The following P2RY6 variants were observed in gnomAD, a reference collection of about 807,000 sequenced individuals.
P2RY6 encodes pyrimidinergic receptor P2Y6, also known as P2Y purinoceptor 6.
A neutral mutation model predicts 16.3 loss-of-function variants in P2RY6; 19 were observed. The ratio of observed to expected loss-of-function variants is 1.16; its 90% CI spans 0.81 to 1.71. The LOEUF (loss-of-function observed/expected upper bound fraction) is 1.71, where lower values mean the gene tolerates loss of function less well. Ranked by LOEUF, P2RY6 falls within the 40% of genes most tolerant of loss-of-function variation. The pLI is 0.00. For synonymous variants in P2RY6, 184 were observed against 201.5 expected (o/e 0.91, Z 0.74); for missense variants, 389 against 455.5 (o/e 0.85, Z 1.33).
At chr11:73,277,816 C>G (rs1863600987) in intron 1 of P2RY6, among the ~76,000 whole-genome samples, 1 of 152,230 alleles carries the variant, frequency 6.6e-6, no homozygotes, top group Non-Finnish European at 1.5e-5. Flanking sequence ...GGGACACTAT[C>G]TCTATCTTTA....
At chr11:73,270,843 G>C (rs7103650), upstream of P2RY6, among the ~76,000 whole-genome samples, 25,464 of 152,042 alleles carry the variant, frequency 0.17, 2,290 homozygotes, top group African/African-American at 0.22. Flanking sequence ...AGGCTAGGTG[G>C]CTGGGAGAGG....
intron 1 of P2RY6, among the ~76,000 whole-genome samples, chr11:73,285,317 T>G (rs1387858335): frequency 6.6e-6 from 1 of 152,230 alleles, no homozygotes; most frequent in African/African-American, 2.4e-5. Context: ...CAAGTGATCC[T>G]CCCGCCTTGG....
Position 73,297,344 on chromosome 11 carries a change from T to C in P2RY6, c.826T>C (p.Leu276=), listed in dbSNP as rs61741436. Reference sequence around the variant, plus strand: ...GACGCCGGGCGTCCCCTGCACTGTATTGGAGGCCTTTGCAGCGGCCTACAA... The same window carrying C: ...GACGCCGGGCGTCCCCTGCACTGTACTGGAGGCCTTTGCAGCGGCCTACAA... ...RSTPGVPCTV[L]EAFAAAYKGT... The change falls in exon 3 of 3, where the codon TTG becomes CTG. Residue 276 remains leucine, a synonymous_variant. Coordinates refer to ENST00000540124, the MANE Select transcript of P2RY6 (RefSeq NM_001277204.2). 4.0e-3 allele frequency: 6,453 copies of C among 1,612,428 alleles called. 224 individuals carry two copies. The African/African-American group carries it at 0.075, about 19-fold the overall frequency.
Position 73,297,447 on chromosome 11 carries a change from G to A in P2RY6, c.929G>A (p.Arg310Gln), listed in dbSNP as rs769977823. The stretch of plus-strand genomic sequence containing the variant: ...TACTTCACCCAGAAGAAGTTCCGCC[G>A]GCGACCACATGAGCTCCTACAGAAA... ...LFYFTQKKFR[R>Q]RPHELLQKLT... The change falls in exon 3 of 3, where the codon CGG (arginine) becomes CAG (glutamine). Residue 310 changes from arginine to glutamine, a missense_variant. Transcript: ENST00000540124. The A allele has an allele frequency of 1.4e-5, 22 of 1,612,368 alleles. No homozygotes were observed. Among genetic ancestry groups the A allele is most frequent in the Middle Eastern group, 3.3e-4 (2 of 6,084 alleles).
intron 1 of P2RY6, among the ~76,000 whole-genome samples, chr11:73,293,847 G>T (rs879764570): frequency 2.0e-5 from 3 of 152,128 alleles, no homozygotes; most frequent in Non-Finnish European, 4.4e-5. Flanking sequence ...GGCTGTCCCT[G>T]GGGGTGGGAT....
rs532909035 is a variant in P2RY6, at chr11:73,293,586, G to A, written c.-120-2144G>A. 5.9e-5 allele frequency among the ~76,000 whole-genome samples: 9 copies of A among 152,306 alleles called. No individual in the cohort carries two copies. The South Asian group carries it at 8.3e-4, about 14-fold the overall frequency. On this transcript the variant is annotated intron_variant, in intron 1 of 2. Coordinates refer to ENST00000540124, the MANE Select transcript of P2RY6 (RefSeq NM_001277204.2). ...AGCCAAGAGCACCCTCCTTGAGGCC[G>A]GCCCCTGCCAGGAACTGGAAGAACA...
upstream of P2RY6, among the ~76,000 whole-genome samples, chr11:73,270,363 C>T (rs1863249337): frequency 6.6e-6 from 1 of 152,054 alleles, no homozygotes; most frequent in Admixed American, 6.6e-5. Context: ...GTGGGGCAGG[C>T]TGGCACTACC....
rs530770840 is a variant in P2RY6 at position 73,295,426 on chromosome 11, T to C, written c.-120-304T>C. On this transcript the variant is annotated intron_variant, in intron 1 of 2. Transcript: ENST00000540124. ...TGAAGTTGGTCATGTAACCTCTACA[T>C]CCCATGTCTGTGGGCTACACTAAGC... Among the ~76,000 whole-genome samples, 12 of 152,290 alleles carry C rather than the reference T, an allele frequency of 7.9e-5. No individual in the cohort carries two copies. The South Asian group carries it at 2.3e-3, about 29-fold the overall frequency.
At chr11:73,290,357 A>AAGAAAGAG (rs1864186264) in intron 1 of P2RY6, among the ~76,000 whole-genome samples, 1 of 115,370 alleles carries the variant, frequency 8.7e-6, no homozygotes, top group African/African-American at 3.6e-5. Flanking sequence ...GAAAGAAAGA[A>AAGAAAGAG]AGAAAGAAGG....
chr11:73,273,336 A>G (rs1036216763), intron 1 of P2RY6, among the ~76,000 whole-genome samples: 4 of 152,168 alleles, frequency 2.6e-5, no homozygotes, highest in African/African-American at 7.2e-5. Flanking sequence ...TCCACCCCTC[A>G]GTATCAATGA....
upstream of P2RY6, among the ~76,000 whole-genome samples, chr11:73,268,754 C>G (rs1411766101): frequency 2.0e-5 from 3 of 152,178 alleles, no homozygotes; most frequent in Non-Finnish European, 4.4e-5. Flanking sequence ...TCCCACGGAC[C>G]AGGGCTAGGC....
intron 1 of P2RY6, among the ~76,000 whole-genome samples, chr11:73,286,294 G>C (rs984986549): frequency 2.6e-5 from 4 of 152,184 alleles, no homozygotes; most frequent in African/African-American, 9.6e-5. Flanking sequence ...CAAGGCAGGG[G>C]CTGCCTTTCA....
chr11:73,273,272 T>C (rs1863395335), intron 1 of P2RY6, among the ~76,000 whole-genome samples: 1 of 151,980 alleles, frequency 6.6e-6, no homozygotes, highest in African/African-American at 2.4e-5. Context: ...CTTGAAGATA[T>C]TTGGGACTCT....
chr11:73,269,403 G>A (rs1009780537), upstream of P2RY6, among the ~76,000 whole-genome samples: 2 of 152,150 alleles, frequency 1.3e-5, no homozygotes, highest in African/African-American at 4.8e-5. Context: ...TTTTATTCCT[G>A]GGGAAAATCA....
rs540255192 is a variant in P2RY6 at position 73,274,907 on chromosome 11, GGGA to G, written c.-121+2442_-121+2444del. Among the ~76,000 whole-genome samples the G allele has an allele frequency of 8.5e-5, 13 of 152,366 alleles. No homozygotes were observed. The South Asian group carries it at 2.5e-3, about 29-fold the overall frequency. On this transcript the variant is annotated intron_variant, in intron 1 of 2. Transcript: ENST00000540124. ...TAGGTTTCTATTTCAGGCTGGGGTG[GGGA>G]TCCGGCAGCCCAGGCTCTGGCTCTC...
rs750667998 is a variant in P2RY6, at chr11:73,296,664, C to A, written c.146C>A (p.Thr49Asn). Residue 49 changes from threonine to asparagine, a missense_variant, in exon 3 of 3, where the codon ACC becomes AAC. Coordinates refer to ENST00000540124, the MANE Select transcript of P2RY6 (RefSeq NM_001277204.2). ...CTGCCGCTGAACATCTGTGTCATTA[C>A]CCAGATCTGCACGTCCCGCCGGGCC... is the stretch of plus-strand genomic sequence containing the variant. ...AGLPLNICVI[T>N]QICTSRRALT... 3.7e-6 allele frequency: 6 copies of A among 1,614,104 alleles called. No individual in the cohort carries two copies. In the South Asian group the frequency reaches 5.5e-5, roughly 15 times the overall value.
intron 1 of P2RY6, among the ~76,000 whole-genome samples, chr11:73,286,865 A>G (rs882904): frequency 0.21 from 32,490 of 152,072 alleles, 4,541 homozygotes; most frequent in African/African-American, 0.4. Context: ...GAGACAGGGT[A>G]TCATGGTGGA....
chr11:73,278,246 A>G lies in P2RY6; in HGVS notation c.-121+5780A>G, dbSNP rs1401021786. Among the ~76,000 whole-genome samples the G allele has an allele frequency of 3.3e-5, 5 of 152,074 alleles. No individual in the cohort carries two copies. In the East Asian group the frequency reaches 7.7e-4, roughly 24 times the overall value. Reference sequence around the variant, plus strand: ...GAGTGCAGTGGTGCGATCTCGGCTCATCGCAACCTCTGCCTTCCAGGTTCA... The same window carrying G: ...GAGTGCAGTGGTGCGATCTCGGCTCGTCGCAACCTCTGCCTTCCAGGTTCA... On this transcript the variant is annotated intron_variant, in intron 1 of 2. Coordinates refer to ENST00000540124, the MANE Select transcript of P2RY6 (RefSeq NM_001277204.2).
At chr11:73,282,127 G>C (rs1863789325) in intron 1 of P2RY6, among the ~76,000 whole-genome samples, 1 of 152,144 alleles carries the variant, frequency 6.6e-6, no homozygotes, top group Non-Finnish European at 1.5e-5. Flanking sequence ...GGCTTGTTAG[G>C]GGGCAGGGGA....
Sources: allele counts gnomAD v4.1 joint callset (sites outside exome capture counted in the v4.1 genomes callset), GRCh38; gene constraint gnomAD v4.1.1; transcripts MANE v1.5; gene names NCBI Gene and HGNC (gene_info 2026-07-23, HGNC 2026-07-21).